The following TBCCD1 variants were observed in gnomAD, a reference collection of about 807,000 sequenced individuals.
TBCCD1 encodes TBCC domain containing 1, also known as TBCC domain-containing protein 1.
In TBCCD1, 26 loss-of-function variants were observed where a neutral mutation model predicts 53.4. The ratio of observed to expected loss-of-function variants is 0.49; its 90% confidence interval spans 0.36 to 0.68. The LOEUF is 0.68. Among genes scored for constraint, TBCCD1 ranks in the 30% least tolerant of loss-of-function variants. The pLI is 0.00. For synonymous variants in TBCCD1, 245 were observed against 241.7 expected, an observed-to-expected ratio of 1.01 and a Z score of -0.13; for missense variants, 558 against 669.5, an observed-to-expected ratio of 0.83 and a Z score of 1.84.
intron 1 of TBCCD1, among the ~76,000 whole-genome samples, chr3:186,565,022 T>C (rs1714786785): frequency 6.6e-6 from 1 of 152,088 alleles, no homozygotes; most frequent in Admixed American, 6.5e-5. Flanking sequence ...ATGGAATATT[T>C]ATAAAATACA....
At chr3:186,562,671 G>A (rs549113704) in intron 2 of TBCCD1, among the ~76,000 whole-genome samples, 9 of 150,832 alleles carry the variant, frequency 6.0e-5, no homozygotes, top group Admixed American at 2.0e-4. Context: ...TAAGACAGTA[G>A]ATCTTATGTT....
chr3:186,562,201 C>T (rs1441769688), intron 2 of TBCCD1, among the ~76,000 whole-genome samples: 3 of 152,092 alleles, frequency 2.0e-5, no homozygotes, highest in African/African-American at 7.2e-5. Context: ...AAAAATTTGC[C>T]AGGCATGATA....
chr3:186,558,340 A>G, intron 3 of TBCCD1, 77 bp downstream of exon 3: 3 of 1,506,094 alleles, frequency 2.0e-6, no homozygotes, highest in Non-Finnish European at 2.7e-6. Flanking sequence ...AAATCTCATC[A>G]TAATTTTTAA....
At position 186,554,366 on chromosome 3, in the gene TBCCD1, C is replaced by T; in HGVS notation, c.1432G>A (p.Asp478Asn). Residue 478 changes from aspartate (D) to asparagine (N), a missense_variant, in exon 6 of 8, where the codon GAC becomes AAC. Coordinates refer to ENST00000338733, the MANE Select transcript of TBCCD1 (RefSeq NM_018138.5). Reference sequence around the variant, plus strand: ...AGACCCCCGGGTATCTCTGTTGTGTCCCCTTCCATTTCAAAGGGAATAATA... The same window carrying T: ...AGACCCCCGGGTATCTCTGTTGTGTTCCCTTCCATTTCAAAGGGAATAATA... ...VFIIPFEMEG[D>N]TTEIPGGLPS... 1 of 1,614,216 alleles carries T rather than the reference C, an allele frequency of 6.2e-7. No individual in the cohort carries two copies. Among genetic ancestry groups the T allele is most frequent in the Non-Finnish European group, 8.5e-7 (1 of 1,180,044 alleles).
Position 186,551,287 on chromosome 3 carries a change from T to TG in TBCCD1, c.1545-9dup, listed in dbSNP as rs1714367459. 1.9e-6 allele frequency: 3 copies of TG among 1,610,110 alleles called. No homozygotes were observed. Among genetic ancestry groups the TG allele is most frequent in the Non-Finnish European group, 2.5e-6 (3 of 1,178,734 alleles). ...AACTGCTTCCTTTGATCCCTAAAAT[T>TG]GCGATTATGAGTAAAAAGAATATAA... is the stretch of plus-strand genomic sequence containing the variant. On this transcript the variant is annotated splice_polypyrimidine_tract_variant and intron_variant, in intron 6 of 7. Transcript: ENST00000338733.
chr3:186,548,370 G>C (rs1297467626), intron 7 of TBCCD1, among the ~76,000 whole-genome samples: 1 of 152,222 alleles, frequency 6.6e-6, no homozygotes, highest in African/African-American at 2.4e-5. Context: ...GTAGGGGTTG[G>C]AGGAATAAGG....
At chr3:186,568,966 G>C (rs1296070708), upstream of TBCCD1, among the ~76,000 whole-genome samples, 1 of 151,684 alleles carries the variant, frequency 6.6e-6, no homozygotes, top group East Asian at 1.9e-4. Flanking sequence ...CTCAGTAGGG[G>C]CTAATTTTGA....
chr3:186,551,254 G>C lies in TBCCD1; in HGVS notation c.1570C>G (p.Leu524Val), dbSNP rs1714365969. The C allele has an allele frequency of 6.2e-7, 1 of 1,613,820 alleles. No individual in the cohort carries two copies. The highest frequency in any genetic ancestry group is 2.2e-5 in the East Asian group (1 of 44,870). The change falls in exon 7 of 8, where the codon CTG (leucine) becomes GTG (valine). Residue 524 changes from leucine to valine, a missense_variant. Leu to Val is a conservative substitution (Grantham distance 32). Transcript: ENST00000338733. ...CATTCATAAAACTTGTTCTCTACCA[G>C]TACCTGGAACTGCTTCCTTTGATCC... is the stretch of plus-strand genomic sequence containing the variant. ...TKDQRKQFQVLVENKFYEWLI... is the reference protein window; with the variant it reads ...TKDQRKQFQVVVENKFYEWLI...
chr3:186,567,423 G>A (rs1476438135), upstream of TBCCD1: 1 of 152,106 alleles, frequency 6.6e-6, no homozygotes, highest in Non-Finnish European at 1.5e-5. Flanking sequence ...GGACCCCGTT[G>A]CTAGAGCGGC....
At chr3:186,560,875 C>G (rs57954576) in intron 2 of TBCCD1, among the ~76,000 whole-genome samples, 7,060 of 152,240 alleles carry the variant, frequency 0.046, 541 homozygotes, top group African/African-American at 0.16. Flanking sequence ...ATACAAAACG[C>G]AGAATAGTCT....
upstream of TBCCD1, among the ~76,000 whole-genome samples, chr3:186,569,749 T>C (rs990374092): frequency 1.3e-5 from 2 of 151,674 alleles, no homozygotes; most frequent in Non-Finnish European, 2.9e-5. Flanking sequence ...AGGTGAGAGA[T>C]ACACTGTGAC....
chr3:186,562,649 C>T (rs1714720298), intron 2 of TBCCD1, among the ~76,000 whole-genome samples: 1 of 150,602 alleles, frequency 6.6e-6, no homozygotes, highest in Non-Finnish European at 1.5e-5. Context: ...ATGTTGTATA[C>T]TTAAAATTCT....
At chr3:186,557,006 C>T (rs538710860) in intron 3 of TBCCD1, among the ~76,000 whole-genome samples, 74 of 152,252 alleles carry the variant, frequency 4.9e-4, no homozygotes, top group East Asian at 7.7e-4. Context: ...ATGTCAAATG[C>T]GTTTTTAGTT....
Position 186,564,266 on chromosome 3 carries a change from C to T in TBCCD1, c.64G>A (p.Val22Ile), listed in dbSNP as rs750634696. The T allele has an allele frequency of 1.9e-6, 3 of 1,614,016 alleles. No individual in the cohort carries two copies. The highest frequency in any genetic ancestry group is 1.3e-5 in the African/African-American group (1 of 74,894). The change falls in exon 2 of 8, where the codon GTC becomes ATC. Residue 22 changes from valine (V) to isoleucine (I), a missense_variant. Coordinates refer to ENST00000338733, the MANE Select transcript of TBCCD1 (RefSeq NM_018138.5). ...AGACTAAACTTGGATGGAGGGGGGA[C>T]CTGCAAGGCACCCACTATAAAGGGT... Reference protein sequence around the residue: ...AEPFIVGALQVPPPSKFSLHY... With the variant: ...AEPFIVGALQIPPPSKFSLHY...
At chr3:186,560,416 T>G (rs1714661916) in intron 2 of TBCCD1, among the ~76,000 whole-genome samples, 1 of 152,202 alleles carries the variant, frequency 6.6e-6, no homozygotes, top group Non-Finnish European at 1.5e-5. Flanking sequence ...TGCTTACTAC[T>G]TTTTTTCTTC....
chr3:186,557,007 G>A (rs547576227), intron 3 of TBCCD1, among the ~76,000 whole-genome samples: 4 of 152,216 alleles, frequency 2.6e-5, no homozygotes, highest in African/African-American at 7.2e-5. Context: ...TGTCAAATGC[G>A]TTTTTAGTTC....
chr3:186,558,808 T>C (rs964624108), intron 2 of TBCCD1, among the ~76,000 whole-genome samples: 3 of 152,176 alleles, frequency 2.0e-5, no homozygotes, highest in Non-Finnish European at 4.4e-5. Flanking sequence ...TGATGCGATC[T>C]CAGCTCACTG....
At chr3:186,570,353 C>A, upstream of TBCCD1, 1 of 515,932 alleles carries the variant, frequency 1.9e-6, no homozygotes, top group South Asian at 3.2e-5. Flanking sequence ...GAAAACTTCT[C>A]TCCCACAATT....
At position 186,550,227 on chromosome 3, in the gene TBCCD1, CA is replaced by C. The variant is rs1313844798; in HGVS notation, c.*21+901del. On this transcript the variant is annotated intron_variant, in intron 7 of 7. Transcript: ENST00000338733. ...TAGGTGACAGAGGGAGACTCTGCCT[CA>C]AAAAAAAAAAAAAAAAAAACTTTAA... Among the ~76,000 whole-genome samples the C allele has an allele frequency of 6.1e-3, 444 of 72,396 alleles. 1 individual carries two copies. Among genetic ancestry groups the C allele is most frequent in the Middle Eastern group, 0.014 (2 of 146 alleles). 47.5% of individuals were successfully genotyped at this position (72,396 alleles called of 152,430 possible). A position where few individuals can be genotyped will look rare whatever the true frequency, so the allele number is the denominator to read the frequency against.
Sources: allele counts gnomAD v4.1 joint callset (sites outside exome capture counted in the v4.1 genomes callset), GRCh38; gene constraint gnomAD v4.1.1; transcripts MANE v1.5; gene names NCBI Gene and HGNC (gene_info 2026-07-23, HGNC 2026-07-21).